Variants in RASAL2 observed in about 807,000 individuals in gnomAD.
RASAL2 encodes RAS protein activator like 2.
Under a neutral mutation model 128.9 loss-of-function variants are expected in RASAL2, and 58 were observed. That is an observed-to-expected ratio of 0.45 (90% CI 0.36 to 0.56). RASAL2 has a LOEUF of 0.56. Among genes scored for constraint, RASAL2 ranks in the 20% least tolerant of loss-of-function variants. RASAL2 has a pLI of 0.00. For missense variants in RASAL2, 1,360 were observed against 1,601.6 expected (o/e 0.85, Z 2.57); for synonymous variants, 561 against 580.8 (o/e 0.97, Z 0.49).
chr1:178,433,673 A>T (rs1572064970), intron 5 of RASAL2, among the ~76,000 whole-genome samples: 1 of 152,020 alleles, frequency 6.6e-6, no homozygotes, highest in Admixed American at 6.6e-5. Flanking sequence ...AGCACTTTGG[A>T]AGGCTGAGGC....
At chr1:178,251,190 C>T (rs949517694) in intron 1 of RASAL2, among the ~76,000 whole-genome samples, 4 of 152,160 alleles carry the variant, frequency 2.6e-5, no homozygotes, top group Admixed American at 2.6e-4. Context: ...CTAGGAGAAT[C>T]TTGCCATCTG....
intron 1 of RASAL2, among the ~76,000 whole-genome samples, chr1:178,134,314 T>C (rs1368786309): frequency 3.9e-5 from 6 of 151,924 alleles, no homozygotes; most frequent in Non-Finnish European, 7.4e-5. Context: ...TTGGGTAATC[T>C]CAGGACATGG....
chr1:178,440,015 T>G (rs867797111), intron 6 of RASAL2, among the ~76,000 whole-genome samples: 3 of 103,688 alleles, frequency 2.9e-5, no homozygotes, highest in Admixed American at 1.8e-4. Flanking sequence ...CCATCCTAAT[T>G]CCAGGACATT....
At chr1:178,266,299 C>T (rs1295837337) in intron 1 of RASAL2, among the ~76,000 whole-genome samples, 1 of 152,150 alleles carries the variant, frequency 6.6e-6, no homozygotes, top group Non-Finnish European at 1.5e-5. Context: ...CTCACTGTGG[C>T]CTTAATTTGC....
intron 3 of RASAL2, among the ~76,000 whole-genome samples, chr1:178,321,508 G>A (rs1043619482): frequency 1.3e-5 from 2 of 150,976 alleles, no homozygotes; most frequent in Admixed American, 6.6e-5. Context: ...TTTCTTTTTT[G>A]TTTTTCTATT....
chr1:178,095,515 G>T (rs1658642866), intron 1 of RASAL2, among the ~76,000 whole-genome samples: 1 of 152,184 alleles, frequency 6.6e-6, no homozygotes, highest in African/African-American at 2.4e-5. Context: ...CCTAGCTCAC[G>T]TGACTGCAGA....
intron 1 of RASAL2, among the ~76,000 whole-genome samples, chr1:178,152,332 C>G (rs947746553): frequency 6.6e-6 from 1 of 152,164 alleles, no homozygotes; most frequent in Non-Finnish European, 1.5e-5. Context: ...CCCTACGCAT[C>G]TCTTTCATTT....
intron 3 of RASAL2, among the ~76,000 whole-genome samples, chr1:178,340,692 T>A (rs1311430732): frequency 6.6e-6 from 1 of 152,110 alleles, no homozygotes. Flanking sequence ...GTTAAAAAAA[T>A]TTTGAGGAGG....
At chr1:178,456,677 C>T (rs750582810) in intron 12 of RASAL2, 44 bp from the exon 13 acceptor site, 11 of 1,603,660 alleles carry the variant, frequency 6.9e-6, no homozygotes, top group South Asian at 5.5e-5. Flanking sequence ...TGGTGGATGT[C>T]GCAATGCTTA....
rs781594728 is a variant in RASAL2, at chr1:178,473,126, C to A, written c.3730C>A (p.Leu1244Met). ...DSANTRLMSA[L>M]TQVKERYSMQ... Reference sequence around the variant, plus strand: ...AGCCAACACCAGACTGATGAGCGCGCTGACCCAAGTGAAGGAGCGGTACAG... The same window carrying A: ...AGCCAACACCAGACTGATGAGCGCGATGACCCAAGTGAAGGAGCGGTACAG... Residue 1244 changes from leucine (L) to methionine (M), a missense_variant, in exon 18 of 18, where the codon CTG becomes ATG. Coordinates refer to ENST00000367649, the MANE Select transcript of RASAL2 (RefSeq NM_170692.4). 62 of 1,614,068 alleles carry A rather than the reference C, an allele frequency of 3.8e-5. No homozygotes were observed. Among genetic ancestry groups the A allele is most frequent in the Non-Finnish European group, 5.2e-5 (61 of 1,180,036 alleles).
At position 178,478,205 on chromosome 1, in the gene RASAL2, G is replaced by C. The variant is rs527257964; in HGVS notation, c.*4966G>C. On this transcript the variant is annotated 3_prime_UTR_variant, in exon 18 of 18. Coordinates refer to ENST00000367649, the MANE Select transcript of RASAL2 (RefSeq NM_170692.4). ...CCAGATTTATTTGTTGTTGTAGAGA[G>C]ATTTCCACAGAAGTTGTGTTTTAGG... 1 of 151,984 alleles carries C rather than the reference G, an allele frequency of 6.6e-6. No individual in the cohort carries two copies. The highest frequency in any genetic ancestry group is 2.1e-4 in the South Asian group (1 of 4,820). 9.4% of individuals were successfully genotyped at this position (151,984 alleles called of 1,614,324 possible).
At chr1:178,267,656 C>G (rs2102158525) in intron 1 of RASAL2, among the ~76,000 whole-genome samples, 1 of 140,966 alleles carries the variant, frequency 7.1e-6, no homozygotes, top group African/African-American at 2.7e-5. Flanking sequence ...GAGTCTTGCT[C>G]TGTCGCCCAG....
At chr1:178,362,058 T>C (rs1671140809) in intron 3 of RASAL2, among the ~76,000 whole-genome samples, 1 of 152,164 alleles carries the variant, frequency 6.6e-6, no homozygotes, top group Non-Finnish European at 1.5e-5. Context: ...CACCTCCTGC[T>C]GTGCGGCCTA....
At chr1:178,355,504 G>A (rs1025113859) in intron 3 of RASAL2, among the ~76,000 whole-genome samples, 9 of 152,056 alleles carry the variant, frequency 5.9e-5, no homozygotes, top group African/African-American at 1.2e-4. Flanking sequence ...GTAGACCTAC[G>A]TGTAAAACAC....
At chr1:178,349,294 G>A (rs936523522) in intron 3 of RASAL2, among the ~76,000 whole-genome samples, 44 of 149,342 alleles carry the variant, frequency 2.9e-4, no homozygotes, top group Non-Finnish European at 4.6e-4. Context: ...GCATGGTGGC[G>A]CGCGCCTGTA....
chr1:178,313,836 T>G (rs1176006943), intron 3 of RASAL2, among the ~76,000 whole-genome samples: 1 of 152,194 alleles, frequency 6.6e-6, no homozygotes, highest in Non-Finnish European at 1.5e-5. Context: ...GCTTAGTTTT[T>G]CCTTATCTAA....
intron 3 of RASAL2, among the ~76,000 whole-genome samples, chr1:178,381,046 AG>A (rs1008629093): frequency 1.3e-5 from 2 of 152,238 alleles, no homozygotes; most frequent in South Asian, 2.1e-4. Flanking sequence ...TGAAAAAAGC[AG>A]GCATGTGAGA....
At chr1:178,403,076 A>C (rs1309512454) in intron 4 of RASAL2, among the ~76,000 whole-genome samples, 2 of 152,196 alleles carry the variant, frequency 1.3e-5, no homozygotes, top group East Asian at 3.8e-4. Context: ...TCTGTTAGTC[A>C]TAAGAAAATC....
intron 1 of RASAL2, among the ~76,000 whole-genome samples, chr1:178,249,840 C>T (rs557453772): frequency 1.3e-5 from 2 of 152,228 alleles, no homozygotes; most frequent in Admixed American, 1.3e-4. Flanking sequence ...CAGATCTGCT[C>T]CAGTTTGCTG....
Sources: allele counts gnomAD v4.1 joint callset (sites outside exome capture counted in the v4.1 genomes callset), GRCh38; gene constraint gnomAD v4.1.1; transcripts MANE v1.5; gene names NCBI Gene and HGNC (gene_info 2026-07-23, HGNC 2026-07-21).